SYNM: variants seen among roughly 807,000 people sequenced by gnomAD.
SYNM encodes the protein synemin, also known as desmuslin.
SYNM carries 95 observed loss-of-function variants against 104.0 expected under a neutral mutation model. That is an observed-to-expected ratio of 0.91 (90% CI 0.77 to 1.08). SYNM has a LOEUF of 1.08. Ranked by LOEUF, SYNM falls within the 50% of genes least tolerant of loss-of-function variation. The pLI is 0.00. For missense variants in SYNM, 2,150 were observed against 2,052.2 expected (o/e 1.05, Z -0.92); for synonymous variants, 918 against 869.0 (o/e 1.06, Z -0.99).
chr15:99,121,693 C>T (rs2067402277), intron 2 of SYNM, among the ~76,000 whole-genome samples: 2 of 152,200 alleles, frequency 1.3e-5, no homozygotes, highest in African/African-American at 4.8e-5. Context: ...ACAGCTTCCC[C>T]ATACACACAC....
chr15:99,114,784 T>C (rs1670245), intron 2 of SYNM, among the ~76,000 whole-genome samples: 81,002 of 151,140 alleles, frequency 0.54, 21,958 homozygotes, highest in Middle Eastern at 0.63. Context: ...ATCACCCTCC[T>C]TTCCCCTGGG....
In SYNM at chr15:99,131,060, G is replaced by T. The variant is rs1555485742; in HGVS notation, c.2700G>T (p.Gly900=). ...PLDVPAPSLE[G]DLGSTHWKEQ... is the part of the protein sequence containing the mutation. ...ATGTCCCAGCGCCCTCTCTGGAGGG[G>T]GACCTGGGTTCCACTCACTGGAAAG... is the stretch of plus-strand genomic sequence containing the variant. Residue 900 remains glycine, a synonymous_variant, in exon 4 of 4, where the codon GGG becomes GGT. Coordinates refer to ENST00000336292, the MANE Select transcript of SYNM (RefSeq NM_145728.3). This position sits in a 1 kb window ranked among gnomAD's most constrained non-coding sequence, Gnocchi z 4.3. The T allele has an allele frequency of 6.2e-7, 1 of 1,606,706 alleles. No homozygotes were observed. Among genetic ancestry groups the T allele is most frequent in the Non-Finnish European group, 8.5e-7 (1 of 1,176,466 alleles).
Position 99,133,898 on chromosome 15 carries a change from T to C in SYNM, c.*840T>C, listed in dbSNP as rs1201150983. On this transcript the variant is annotated 3_prime_UTR_variant, in exon 4 of 4. Coordinates refer to ENST00000336292, the MANE Select transcript of SYNM (RefSeq NM_145728.3). ...CAGACTTGCGCTTCTCTGCACCTTA[T>C]CCCTTAGCACCCAAACATTTAATTT... 2 of 152,226 alleles carry C rather than the reference T, an allele frequency of 1.3e-5. No individual in the cohort carries two copies. Among genetic ancestry groups the C allele is most frequent in the African/African-American group, 4.8e-5 (2 of 41,444 alleles). 9.4% of individuals were successfully genotyped at this position (152,226 alleles called of 1,614,324 possible). A position where few individuals can be genotyped will look rare whatever the true frequency, so the allele number is the denominator to read the frequency against.
At chr15:99,112,902 G>A (rs570480586) in intron 1 of SYNM, among the ~76,000 whole-genome samples, 1 of 152,194 alleles carries the variant, frequency 6.6e-6, no homozygotes, top group African/African-American at 2.4e-5. Context: ...GTAGAGACAG[G>A]GTTTTGCCAT....
At position 99,105,569 on chromosome 15, in the gene SYNM, C is replaced by T. The variant is rs1228388396; in HGVS notation, c.370C>T (p.Leu124=). The change falls in exon 1 of 4, where the codon CTG becomes TTG. Residue 124 remains leucine, a synonymous_variant. Transcript: ENST00000336292. ...GAQQRELQEA[L]GARAALEALL... ...GCAGCAGCGCGAGCTGCAGGAGGCG[C>T]TGGGCGCGCGCGCCGCCCTCGAGGC... 2 of 1,167,164 alleles carry T rather than the reference C, an allele frequency of 1.7e-6. No homozygotes were observed. The highest frequency in any genetic ancestry group is 2.1e-6 in the Non-Finnish European group (2 of 949,636). The allele number at this position is 1,167,164 out of a possible 1,614,324, so 72.3% of individuals were successfully genotyped here.
chr15:99,115,279 C>T (rs1555483798), intron 2 of SYNM, among the ~76,000 whole-genome samples: 1 of 152,140 alleles, frequency 6.6e-6, no homozygotes, highest in African/African-American at 2.4e-5. Context: ...GTCTCCTTCA[C>T]AGGTGGCAGA....
In SYNM at chr15:99,115,173, G is replaced by A. The variant is rs190894957; in HGVS notation, c.935+1458G>A. Among the ~76,000 whole-genome samples the A allele has an allele frequency of 5.6e-4, 86 of 152,264 alleles. 1 individual carries two copies. In the East Asian group the frequency reaches 0.014, roughly 25 times the overall value. ...GTAAAAAGGGCACAGTGCCTGCTCC[G>A]TTCCCAGGATTGTGGAACATGTGGC... On this transcript the variant is annotated intron_variant, in intron 2 of 3. Transcript: ENST00000336292.
At chr15:99,117,694 A>G (rs1254555881) in intron 2 of SYNM, among the ~76,000 whole-genome samples, 1 of 151,814 alleles carries the variant, frequency 6.6e-6, no homozygotes, top group Non-Finnish European at 1.5e-5. Flanking sequence ...CTGAAAAGCC[A>G]GTGTAAACAT....
chr15:99,113,161 G>A (rs886258525), intron 1 of SYNM, among the ~76,000 whole-genome samples: 3 of 152,202 alleles, frequency 2.0e-5, no homozygotes, highest in Non-Finnish European at 4.4e-5. Context: ...ACTTTGGGGA[G>A]TACATTTCAG....
chr15:99,105,095 G>A lies in SYNM; in HGVS notation c.-105G>A, dbSNP rs1199396373. On this transcript the variant is annotated 5_prime_UTR_variant, in exon 1 of 4. Transcript: ENST00000336292. ...CTCGCGTCCCAGTCTGCGGGCCTCC[G>A]GGGCAGCGGCGAGGCCGGAGCGTCG... 19 of 1,335,136 alleles carry A rather than the reference G, an allele frequency of 1.4e-5. No individual in the cohort carries two copies. Among genetic ancestry groups the A allele is most frequent in the East Asian group, 1.1e-4 (4 of 35,552 alleles). 82.7% of individuals were successfully genotyped at this position (1,335,136 alleles called of 1,614,324 possible). A position where few individuals can be genotyped will look rare whatever the true frequency, so the allele number is the denominator to read the frequency against.
At chr15:99,106,088 G>A in intron 1 of SYNM, 79 bp downstream of exon 1, 4 of 1,327,238 alleles carry the variant, frequency 3.0e-6, no homozygotes, top group Non-Finnish European at 3.9e-6. Context: ...GCGTGGGGCA[G>A]CGGCCCCTTC....
In SYNM at chr15:99,113,572, G is replaced by A. The variant is rs2067319065; in HGVS notation, c.811-19G>A. ...AAAGCTCCAGTTCTCTGATATAAAA[G>A]TCTGTCTATTCTCTTTAGAGAGTGA... On this transcript the variant is annotated intron_variant, in intron 1 of 3. Transcript: ENST00000336292. 1 of 1,612,242 alleles carries A rather than the reference G, an allele frequency of 6.2e-7. No homozygotes were observed. The highest frequency in any genetic ancestry group is 1.7e-5 in the Admixed American group (1 of 59,828).
At chr15:99,110,874 G>C (rs1481887056) in intron 1 of SYNM, among the ~76,000 whole-genome samples, 1 of 152,208 alleles carries the variant, frequency 6.6e-6, no homozygotes, top group Non-Finnish European at 1.5e-5. Flanking sequence ...CAGTGCCTCT[G>C]TCCTGACCCA....
downstream of SYNM, chr15:99,138,071 C>T (rs1555488063): frequency 6.2e-7 from 1 of 1,613,836 alleles, no homozygotes. Flanking sequence ...GATGCTGGTG[C>T]AGAAGGCCAC....
Position 99,130,104 on chromosome 15 carries a change from G to C in SYNM, c.1744G>C (p.Glu582Gln), listed in dbSNP as rs1259329690. 1 of 1,613,856 alleles carries C rather than the reference G, an allele frequency of 6.2e-7. No individual in the cohort carries two copies. Among genetic ancestry groups the C allele is most frequent in the Non-Finnish European group, 8.5e-7 (1 of 1,179,892 alleles). Reference sequence around the variant, plus strand: ...AGAGAGAGAGGTGCCGATTAGTCTAGAAGTATCCCAGGACAGAAGAGCAGA... The same window carrying C: ...AGAGAGAGAGGTGCCGATTAGTCTACAAGTATCCCAGGACAGAAGAGCAGA... ...VREREVPISL[E>Q]VSQDRRAEVS... Residue 582 changes from glutamate (E) to glutamine (Q), a missense_variant, in exon 4 of 4, where the codon GAA becomes CAA. Coordinates refer to ENST00000336292, the MANE Select transcript of SYNM (RefSeq NM_145728.3).
At chr15:99,138,354 C>A (rs1377105011), downstream of SYNM, among the ~76,000 whole-genome samples, 1 of 151,750 alleles carries the variant, frequency 6.6e-6, no homozygotes, top group East Asian at 1.9e-4. Context: ...CACTCTGTCA[C>A]CCAGGCTGGA....
chr15:99,131,424 G>C lies in SYNM; in HGVS notation c.3064G>C (p.Asp1022His). 1 of 1,610,738 alleles carries C rather than the reference G, an allele frequency of 6.2e-7. No individual in the cohort carries two copies. The highest frequency in any genetic ancestry group is 2.2e-5 in the East Asian group (1 of 44,860). The change falls in exon 4 of 4, where the codon GAT becomes CAT. Residue 1022 changes from aspartate (D) to histidine (H), a missense_variant. By Grantham distance (81) the Asp-to-His change is moderately conservative. Coordinates refer to ENST00000336292, the MANE Select transcript of SYNM (RefSeq NM_145728.3). This position sits in a 1 kb window ranked among gnomAD's most constrained non-coding sequence, Gnocchi z 4.3. ...GTTAGACCTGGAGGAGCTGAGCAAA[G>C]ATGAGGCCAGTGAGATGGAGAAGGC... ...DRLDLEELSK[D>H]EASEMEKAVE...
In SYNM at chr15:99,130,994, G is replaced by C; in HGVS notation, c.2634G>C (p.Gln878His). Reference sequence around the variant, plus strand: ...TGCAGGGGACTCGAAGGAGGACACAGAAGGACGGTGCAGTGGGCGAGAAGG... The same window carrying C: ...TGCAGGGGACTCGAAGGAGGACACACAAGGACGGTGCAGTGGGCGAGAAGG... Reference protein sequence around the residue: ...EIVQGTRRRTQKDGAVGEKVV... With the variant: ...EIVQGTRRRTHKDGAVGEKVV... Residue 878 changes from glutamine to histidine, a missense_variant, in exon 4 of 4, where the codon CAG (glutamine) becomes CAC (histidine). Physicochemically the swap from Gln to His is conservative, Grantham distance 24. Transcript: ENST00000336292. 1 of 1,613,796 alleles carries C rather than the reference G, an allele frequency of 6.2e-7. No homozygotes were observed. Among genetic ancestry groups the C allele is most frequent in the Non-Finnish European group, 8.5e-7 (1 of 1,179,798 alleles).
intron 3 of SYNM, among the ~76,000 whole-genome samples, chr15:99,128,434 G>A (rs1046413989): frequency 1.3e-5 from 2 of 152,236 alleles, no homozygotes; most frequent in South Asian, 2.1e-4. Context: ...CAGTTGACCT[G>A]AAAAGAGGAG....
Sources: gnomAD v4.1 joint callset for allele counts (sites outside exome capture counted in the v4.1 genomes callset) on GRCh38, gnomAD v4.1.1 for gene constraint, Gnocchi (gnomAD v3.1) non-coding constraint, MANE v1.5 for transcripts, NCBI Gene and HGNC (gene_info 2026-07-23, HGNC 2026-07-21) for gene names.